PDZRN4: variants seen among roughly 807,000 people sequenced by gnomAD.
PDZRN4 encodes the protein PDZ domain-containing RING finger protein 4.
A neutral mutation model predicts 99.0 loss-of-function variants in PDZRN4; 70 were observed. That is an observed-to-expected ratio of 0.71 (90% CI 0.58 to 0.86). The LOEUF (loss-of-function observed/expected upper bound fraction) is 0.86. Among genes scored for constraint, PDZRN4 ranks in the 40% least tolerant of loss-of-function variants. PDZRN4 has a pLI of 0.00. For synonymous variants in PDZRN4, 551 were observed against 501.6 expected, an observed-to-expected ratio of 1.10 and a Z score of -1.32; for missense variants, 1,474 against 1,331.2, an observed-to-expected ratio of 1.11 and a Z score of -1.67.
chr12:41,286,958 T>C (rs895569402), intron 3 of PDZRN4, among the ~76,000 whole-genome samples: 4 of 152,186 alleles, frequency 2.6e-5, no homozygotes, highest in Non-Finnish European at 1.5e-5. Context: ...TTGTTTTTAT[T>C]TTTTTAATCA....
At chr12:41,338,151 T>G (rs189062910) in intron 3 of PDZRN4, among the ~76,000 whole-genome samples, 38 of 152,252 alleles carry the variant, frequency 2.5e-4, no homozygotes, top group Non-Finnish European at 5.1e-4. Context: ...CTGTATCTTG[T>G]CTATATCTAA....
At chr12:41,509,023 A>G (rs1938258475) in intron 4 of PDZRN4, among the ~76,000 whole-genome samples, 1 of 152,290 alleles carries the variant, frequency 6.6e-6, no homozygotes, top group East Asian at 1.9e-4. Context: ...TATGATGTGT[A>G]GTCTTTATAT....
intron 5 of PDZRN4, among the ~76,000 whole-genome samples, chr12:41,533,230 A>T (rs1181776116): frequency 1.3e-5 from 2 of 150,702 alleles, no homozygotes; most frequent in Non-Finnish European, 2.9e-5. Context: ...GCTGGAGGGC[A>T]GTGGTACGAT....
At chr12:41,354,272 C>T (rs1951911842) in intron 3 of PDZRN4, among the ~76,000 whole-genome samples, 1 of 151,912 alleles carries the variant, frequency 6.6e-6, no homozygotes, top group Admixed American at 6.6e-5. Context: ...AGTATTGGTC[C>T]TCTCCATAAT....
At chr12:41,510,119 T>C (rs1322470966) in intron 5 of PDZRN4, among the ~76,000 whole-genome samples, 7 of 152,166 alleles carry the variant, frequency 4.6e-5, no homozygotes, top group Non-Finnish European at 8.8e-5. Context: ...TAAGCTTAAA[T>C]ATAATTTGCT....
intron 3 of PDZRN4, among the ~76,000 whole-genome samples, chr12:41,471,225 G>A (rs1267498140): frequency 1.3e-5 from 2 of 152,190 alleles, no homozygotes; most frequent in African/African-American, 2.4e-5. Flanking sequence ...TGGAGAAAGA[G>A]TAATTTCTGT....
chr12:41,388,705 G>A (rs576799875), intron 3 of PDZRN4, among the ~76,000 whole-genome samples: 205 of 152,158 alleles, frequency 1.3e-3, no homozygotes, highest in Non-Finnish European at 2.0e-3. Context: ...GACAGATTCA[G>A]GATTGGATTT....
intron 3 of PDZRN4, among the ~76,000 whole-genome samples, chr12:41,255,043 C>G (rs1388127354): frequency 1.3e-5 from 2 of 152,034 alleles, no homozygotes; most frequent in Non-Finnish European, 2.9e-5. Context: ...CAACTGCCCT[C>G]CAGCATAAAG....
intron 3 of PDZRN4, among the ~76,000 whole-genome samples, chr12:41,247,228 A>G (rs1262209946): frequency 6.6e-6 from 1 of 152,198 alleles, no homozygotes; most frequent in Admixed American, 6.5e-5. Flanking sequence ...CTGGTTGAGA[A>G]GAGAACTCTG....
chr12:41,189,190 G>A (rs1305862943), intron 1 of PDZRN4, 87 bp downstream of exon 1: 1 of 1,285,842 alleles, frequency 7.8e-7, no homozygotes, highest in African/African-American at 1.5e-5. Flanking sequence ...GATTCCTTTG[G>A]AATTGGGCAT....
intron 3 of PDZRN4, among the ~76,000 whole-genome samples, chr12:41,428,709 G>A (rs1386346831): frequency 2.6e-5 from 4 of 152,158 alleles, no homozygotes; most frequent in Non-Finnish European, 5.9e-5. Context: ...GGCAAGATGG[G>A]CTTACAAATG....
intron 3 of PDZRN4, among the ~76,000 whole-genome samples, chr12:41,420,022 AT>A (rs1341539895): frequency 2.0e-5 from 3 of 152,166 alleles, no homozygotes; most frequent in Non-Finnish European, 4.4e-5. Flanking sequence ...AATTTTTGCT[AT>A]TTATTGAGTA....
At chr12:41,455,075 A>C (rs1379770) in intron 3 of PDZRN4, among the ~76,000 whole-genome samples, 78,555 of 151,974 alleles carry the variant, frequency 0.52, 20,848 homozygotes, top group African/African-American at 0.65. Flanking sequence ...ATATGCAGTT[A>C]TATAGAAATG....
chr12:41,508,912 G>A (rs1171089386), intron 4 of PDZRN4, among the ~76,000 whole-genome samples: 3 of 152,130 alleles, frequency 2.0e-5, no homozygotes, highest in Non-Finnish European at 2.9e-5. Flanking sequence ...GGTCTCATCT[G>A]CAACCAACTT....
At chr12:41,276,781 T>C (rs1045315790) in intron 3 of PDZRN4, among the ~76,000 whole-genome samples, 1 of 152,206 alleles carries the variant, frequency 6.6e-6, no homozygotes, top group African/African-American at 2.4e-5. Flanking sequence ...TGTAAAGTAC[T>C]AAGCAAAGTG....
At chr12:41,235,614 G>GT (rs1951061420) in intron 3 of PDZRN4, among the ~76,000 whole-genome samples, 1 of 151,994 alleles carries the variant, frequency 6.6e-6, no homozygotes, top group Admixed American at 6.6e-5. Context: ...TAGACCTTAT[G>GT]TTTTTTAGAA....
intron 7 of PDZRN4, among the ~76,000 whole-genome samples, chr12:41,558,206 T>C (rs1939201936): frequency 6.6e-6 from 1 of 152,086 alleles, no homozygotes; most frequent in Non-Finnish European, 1.5e-5. Flanking sequence ...ATGCTCAGAG[T>C]CACGTTACAT....
chr12:41,353,007 A>G (rs543551022), intron 3 of PDZRN4, among the ~76,000 whole-genome samples: 11 of 152,230 alleles, frequency 7.2e-5, no homozygotes, highest in Non-Finnish European at 1.5e-4. Flanking sequence ...TGGACAATAT[A>G]GTTGGCAAGC....
In PDZRN4 at chr12:41,324,112, A is replaced by T. The variant is rs547377854; in HGVS notation, c.843+129924A>T. Among the ~76,000 whole-genome samples the T allele has an allele frequency of 5.3e-5, 8 of 152,238 alleles. No homozygotes were observed. In the East Asian group the frequency reaches 1.2e-3, roughly 22 times the overall value. On this transcript the variant is annotated intron_variant, in intron 3 of 9. Coordinates refer to ENST00000402685, the MANE Select transcript of PDZRN4 (RefSeq NM_001164595.2). The stretch of plus-strand genomic sequence containing the variant: ...TTAGTGTTTTCAATATGATGCTGTG[A>T]TTCATTATGATATGGAGTGATTGCT...
Sources: gnomAD v4.1 joint callset for allele counts (sites outside exome capture counted in the v4.1 genomes callset) on GRCh38, gnomAD v4.1.1 for gene constraint, MANE v1.5 for transcripts, NCBI Gene and HGNC (gene_info 2026-07-23, HGNC 2026-07-21) for gene names.